The following AMMECR1 variants were observed in gnomAD, a reference collection of about 807,000 sequenced individuals.
AMMECR1 encodes the protein nuclear protein AMMECR1.
In AMMECR1, 3 loss-of-function variants were observed where a neutral mutation model predicts 22.5. The observed-to-expected ratio is 0.13, with a 90% CI of 0.06 to 0.35. The LOEUF (loss-of-function observed/expected upper bound fraction) is 0.35, where lower values mean the gene tolerates loss of function less well. Ranked by LOEUF, AMMECR1 falls within the 10% of genes least tolerant of loss-of-function variation. AMMECR1 has a pLI of 1.00. For missense variants in AMMECR1, 235 were observed against 278.7 expected, an observed-to-expected ratio of 0.84 and a Z score of 1.12; for synonymous variants, 130 against 116.7, an observed-to-expected ratio of 1.11 and a Z score of -0.74.
At chrX:110,341,521 A>T (rs1484682513) in intron 2 of AMMECR1, among the ~76,000 whole-genome samples, 1 of 112,233 alleles carries the variant, frequency 8.9e-6, no homozygotes, top group East Asian at 2.8e-4. Context: ...AAGTAGGGTG[A>T]TGAAATCTTG....
rs768551562 is a variant in AMMECR1, at chrX:110,216,667, T to A, written c.585-35A>T. On this transcript the variant is annotated intron_variant, in intron 2 of 5. Transcript: ENST00000262844. ...ACAAAGCAAATATTAAAGCAATCAC[T>A]GGATATGAAAGTTCCCAATTTCAAA... 3.2e-6 allele frequency: 3 copies of A among 951,768 alleles called. No individual in the cohort carries two copies. In the Admixed American group the frequency reaches 7.9e-5, roughly 25 times the overall value. The allele number at this position is 951,768 out of a possible 1,213,427, so 78.4% of individuals were successfully genotyped here.
intron 2 of AMMECR1, among the ~76,000 whole-genome samples, chrX:110,332,061 A>G (rs2068122922): frequency 9.0e-6 from 1 of 111,150 alleles, no homozygotes; most frequent in African/African-American, 3.3e-5. Context: ...TCTGCCACCT[A>G]GTCTCCCTTC....
chrX:110,323,620 A>AT (rs1338270631), intron 2 of AMMECR1, among the ~76,000 whole-genome samples: 19 of 112,678 alleles, frequency 1.7e-4, no homozygotes, highest in African/African-American at 6.1e-4. Flanking sequence ...ATACTGTTAT[A>AT]TGGATATATC....
chrX:110,386,943 A>G (rs1172725526), intron 2 of AMMECR1, among the ~76,000 whole-genome samples: 1 of 112,511 alleles, frequency 8.9e-6, no homozygotes, highest in Non-Finnish European at 1.9e-5. Context: ...GGACCACAAC[A>G]GAAAAGATGC....
chrX:110,350,784 T>G (rs1232712729), intron 2 of AMMECR1, among the ~76,000 whole-genome samples: 1 of 109,504 alleles, frequency 9.1e-6, no homozygotes, highest in Non-Finnish European at 1.9e-5. Flanking sequence ...CTGAGCAGCA[T>G]AGTGAGACCC....
chrX:110,347,851 T>C (rs922775359), intron 2 of AMMECR1, among the ~76,000 whole-genome samples: 1 of 112,309 alleles, frequency 8.9e-6, no homozygotes, highest in African/African-American at 3.2e-5. Flanking sequence ...ATTCCATCTA[T>C]ACAGATTTTC....
intron 3 of AMMECR1, among the ~76,000 whole-genome samples, chrX:110,203,194 A>G (rs2067405602): frequency 1.8e-5 from 2 of 111,955 alleles, no homozygotes; most frequent in Admixed American, 1.9e-4. Flanking sequence ...GCTCTACTAA[A>G]TTTAAGAATA....
chrX:110,440,200 G>A (rs758674209), exon 1 of AMMECR1: 1 of 110,804 alleles, frequency 9.0e-6, no homozygotes, highest in African/African-American at 3.3e-5. Flanking sequence ...TGGCAGGAGC[G>A]ACTGTCCTCT....
chrX:110,320,533 AT>A (rs1189338360), upstream of AMMECR1, among the ~76,000 whole-genome samples: 2 of 112,072 alleles, frequency 1.8e-5, no homozygotes, highest in African/African-American at 3.2e-5. Context: ...CCAATTTAGA[AT>A]TTGGCCAGTA....
At chrX:110,265,212 A>G (rs1268977577) in intron 1 of AMMECR1, among the ~76,000 whole-genome samples, 1 of 111,682 alleles carries the variant, frequency 9.0e-6, no homozygotes, top group Admixed American at 9.6e-5. Flanking sequence ...GGAAAAAGGA[A>G]ATAGATACTA....
At chrX:110,303,823 T>A (rs1377003500) in intron 1 of AMMECR1, among the ~76,000 whole-genome samples, 1 of 112,351 alleles carries the variant, frequency 8.9e-6, no homozygotes, top group Non-Finnish European at 1.9e-5. Flanking sequence ...AGTATACTGA[T>A]ACAATGCTCA....
At chrX:110,230,442 C>A (rs2067558751) in intron 2 of AMMECR1, among the ~76,000 whole-genome samples, 1 of 112,261 alleles carries the variant, frequency 8.9e-6, no homozygotes, top group Admixed American at 9.4e-5. Flanking sequence ...AGGGACCTGA[C>A]TGTTAGAAGG....
intron 1 of AMMECR1, among the ~76,000 whole-genome samples, chrX:110,315,452 G>T (rs889900672): frequency 8.9e-6 from 1 of 112,083 alleles, no homozygotes; most frequent in African/African-American, 3.2e-5. Context: ...TATCCACAGT[G>T]GTCAAAGTGT....
intron 1 of AMMECR1, among the ~76,000 whole-genome samples, chrX:110,266,445 C>T (rs990578868): frequency 1.8e-5 from 2 of 110,971 alleles, no homozygotes; most frequent in Non-Finnish European, 3.8e-5. Context: ...TGCAGTGGTG[C>T]GATCTCAGCT....
chrX:110,386,437 A>G (rs978278397), intron 2 of AMMECR1, among the ~76,000 whole-genome samples: 33 of 110,447 alleles, frequency 3.0e-4, no homozygotes, highest in Non-Finnish European at 6.2e-4. Flanking sequence ...TCTGATGGTT[A>G]ATGAGGTTGA....
chrX:110,297,121 T>G (rs1004132553), intron 1 of AMMECR1, among the ~76,000 whole-genome samples: 1 of 111,763 alleles, frequency 8.9e-6, no homozygotes. Flanking sequence ...AGTGGTCAGC[T>G]AATGACCGAC....
chrX:110,369,429 T>C (rs971758781), intron 2 of AMMECR1, among the ~76,000 whole-genome samples: 3 of 112,396 alleles, frequency 2.7e-5, no homozygotes, highest in African/African-American at 9.7e-5. Flanking sequence ...GTGTACACGA[T>C]ACAAAGTGCC....
chrX:110,240,402 A>AG, intron 2 of AMMECR1, among the ~76,000 whole-genome samples: 1 of 76,399 alleles, frequency 1.3e-5, no homozygotes. Flanking sequence ...AAAAACAAAA[A>AG]CGGGGGGGGG....
At chrX:110,435,695 C>T (rs1378318853) in intron 1 of AMMECR1, among the ~76,000 whole-genome samples, 1 of 111,965 alleles carries the variant, frequency 8.9e-6, no homozygotes, top group Non-Finnish European at 1.9e-5. Flanking sequence ...AGGACTTCTA[C>T]TGATTTCTCT....
Sources: allele counts gnomAD v4.1 joint callset (sites outside exome capture counted in the v4.1 genomes callset), GRCh38; gene constraint gnomAD v4.1.1; transcripts MANE v1.5; gene names NCBI Gene and HGNC (gene_info 2026-07-23, HGNC 2026-07-21).